Variants in SLC22A3 observed in about 807,000 individuals in gnomAD.
SLC22A3 encodes the protein EMT organic cation transporter 3.
In SLC22A3, 51 loss-of-function variants were observed where a neutral mutation model predicts 59.1. The ratio of observed to expected loss-of-function variants is 0.86; its 90% CI spans 0.69 to 1.09. The LOEUF is 1.09. SLC22A3 is among the 50% of genes least tolerant of loss of function. The probability of loss-of-function intolerance (pLI) is 0.00; values close to 1 mark genes in which losing one functional copy is unlikely to be tolerated. For missense variants in SLC22A3, 711 were observed against 726.3 expected (o/e 0.98, Z 0.24); for synonymous variants, 325 against 292.0 (o/e 1.11, Z -1.15).
Position 160,348,862 on chromosome 6 carries a change from G to A in SLC22A3, c.429+14G>A, listed in dbSNP as rs1187869608. ...ATCGTCAGCGAGGTAAGGGCGCCCCGGCCCTTTGGAAGCCGGCGGGAGAGG... is the reference window on the plus strand; with the variant it reads ...ATCGTCAGCGAGGTAAGGGCGCCCCAGCCCTTTGGAAGCCGGCGGGAGAGG... On this transcript the variant is annotated intron_variant, in intron 1 of 10. Transcript: ENST00000275300. The A allele has an allele frequency of 1.3e-6, 2 of 1,569,770 alleles. No individual in the cohort carries two copies. The highest frequency in any genetic ancestry group is 8.6e-7 in the Non-Finnish European group (1 of 1,166,170).
chr6:160,386,665 A>T (rs1786029270), intron 1 of SLC22A3, among the ~76,000 whole-genome samples: 1 of 152,166 alleles, frequency 6.6e-6, no homozygotes, highest in Non-Finnish European at 1.5e-5. Context: ...CCATGCATAG[A>T]GCAGCTGCTG....
chr6:160,400,140 G>A (rs1044328925), intron 2 of SLC22A3, among the ~76,000 whole-genome samples: 1 of 145,140 alleles, frequency 6.9e-6, no homozygotes, highest in Non-Finnish European at 1.5e-5. Context: ...GGTTCCAAAG[G>A]TGAATATTAA....
intron 5 of SLC22A3, among the ~76,000 whole-genome samples, chr6:160,436,418 T>C (rs572633403): frequency 6.6e-6 from 1 of 152,336 alleles, no homozygotes; most frequent in Non-Finnish European, 1.5e-5. Flanking sequence ...GAAAGTCAGA[T>C]TTGAGGATTT....
intron 1 of SLC22A3, among the ~76,000 whole-genome samples, chr6:160,363,036 C>T (rs987985952): frequency 6.6e-6 from 1 of 152,192 alleles, no homozygotes. Context: ...GGGCTGGGCT[C>T]CCGGGGACTC....
At chr6:160,432,727 C>G (rs1284478962) in intron 5 of SLC22A3, among the ~76,000 whole-genome samples, 1 of 152,082 alleles carries the variant, frequency 6.6e-6, no homozygotes, top group Non-Finnish European at 1.5e-5. Context: ...TTATTTGTAG[C>G]TGAAAAGAAG....
In SLC22A3 at chr6:160,399,627, A is replaced by G. The variant is rs424680; in HGVS notation, c.533+1545A>G. Among the ~76,000 whole-genome samples the G allele has an allele frequency of 5.2e-3, 792 of 152,260 alleles. 11 individuals carry two copies. In the East Asian group the frequency reaches 0.062, roughly 12 times the overall value. ...TGGCTTCTTCTCTTCCTCCATATCC[A>G]TGATTTATATATGTGAAGGAAGAAC... On this transcript the variant is annotated intron_variant, in intron 2 of 10. Coordinates refer to ENST00000275300, the MANE Select transcript of SLC22A3 (RefSeq NM_021977.4).
intron 1 of SLC22A3, among the ~76,000 whole-genome samples, chr6:160,388,224 C>T (rs951727943): frequency 3.9e-5 from 6 of 152,194 alleles, no homozygotes; most frequent in Admixed American, 6.5e-5. Flanking sequence ...AGTTTGTCTA[C>T]AATGCCCATG....
intron 9 of SLC22A3, 134 bp downstream of exon 9, chr6:160,443,876 T>G (rs574105435): frequency 3.8e-5 from 17 of 450,214 alleles, no homozygotes; most frequent in Middle Eastern, 5.9e-4. Context: ...TCATTGATAA[T>G]TATGATATTA....
At chr6:160,365,948 C>A (rs961908901) in intron 1 of SLC22A3, among the ~76,000 whole-genome samples, 1 of 152,132 alleles carries the variant, frequency 6.6e-6, no homozygotes, top group African/African-American at 2.4e-5. Context: ...CATGAGAGCT[C>A]CCTCACTATC....
At chr6:160,381,136 G>A (rs1456602208) in intron 1 of SLC22A3, among the ~76,000 whole-genome samples, 1 of 152,078 alleles carries the variant, frequency 6.6e-6, no homozygotes, top group Non-Finnish European at 1.5e-5. Context: ...ATCAAAGCAG[G>A]GATAATCTCA....
At chr6:160,443,000 TAAAG>T in intron 8 of SLC22A3, 131 bp downstream of exon 8, 5 of 734,180 alleles carry the variant, frequency 6.8e-6, no homozygotes, top group Non-Finnish European at 1.2e-5. Context: ...ATCCAGCTAG[TAAAG>T]AAGATATGCT....
intron 1 of SLC22A3, among the ~76,000 whole-genome samples, chr6:160,374,543 T>C (rs1785520213): frequency 6.6e-6 from 1 of 152,228 alleles, no homozygotes; most frequent in South Asian, 2.1e-4. Flanking sequence ...TGCTCATGCC[T>C]CACTAAGGTT....
chr6:160,366,789 C>G (rs1317736143), intron 1 of SLC22A3, among the ~76,000 whole-genome samples: 1 of 152,200 alleles, frequency 6.6e-6, no homozygotes, highest in Admixed American at 6.5e-5. Context: ...ATGAAAGCTG[C>G]CAATGCTTAG....
chr6:160,395,377 T>C (rs1510226), intron 1 of SLC22A3, among the ~76,000 whole-genome samples: 4,982 of 152,330 alleles, frequency 0.033, 294 homozygotes, highest in Admixed American at 0.17. Flanking sequence ...TGTTTGCCTC[T>C]GCTAGCTAAC....
At chr6:160,358,219 G>A (rs1784904351) in intron 1 of SLC22A3, among the ~76,000 whole-genome samples, 1 of 152,158 alleles carries the variant, frequency 6.6e-6, no homozygotes, top group South Asian at 2.1e-4. Flanking sequence ...CAAGCAAATG[G>A]CTGAATTTGA....
At chr6:160,388,837 A>T (rs1385031701) in intron 1 of SLC22A3, among the ~76,000 whole-genome samples, 1 of 152,228 alleles carries the variant, frequency 6.6e-6, no homozygotes, top group Non-Finnish European at 1.5e-5. Context: ...GAAAATAGAG[A>T]TGTTACCTGA....
chr6:160,447,954 A>G, intron 10 of SLC22A3, 136 bp downstream of exon 10: 1 of 752,116 alleles, frequency 1.3e-6, no homozygotes, highest in Non-Finnish European at 2.3e-6. Context: ...TAAGCAAAAA[A>G]TTCAAAGTAG....
intron 1 of SLC22A3, among the ~76,000 whole-genome samples, chr6:160,351,139 G>A (rs2484242): frequency 0.15 from 22,568 of 152,170 alleles, 2,197 homozygotes; most frequent in Non-Finnish European, 0.21. Flanking sequence ...TCTTTGAGAC[G>A]GAGTCTCTCT....
intron 4 of SLC22A3, among the ~76,000 whole-genome samples, chr6:160,409,677 G>C (rs1275812411): frequency 1.3e-5 from 2 of 152,152 alleles, no homozygotes; most frequent in Non-Finnish European, 2.9e-5. Flanking sequence ...TACATGCTTT[G>C]AGAATTTTTA....
Sources: gnomAD v4.1 joint callset for allele counts (sites outside exome capture counted in the v4.1 genomes callset) on GRCh38, gnomAD v4.1.1 for gene constraint, MANE v1.5 for transcripts, NCBI Gene and HGNC (gene_info 2026-07-23, HGNC 2026-07-21) for gene names.